Variants in CELF2 observed in about 807,000 individuals in gnomAD.
CELF2 encodes CUG triplet repeat RNA-binding protein 2.
CELF2 carries 8 observed loss-of-function variants against 62.6 expected under a neutral mutation model. That is an observed-to-expected ratio of 0.13 (90% confidence interval 0.07 to 0.23). The LOEUF is 0.23. Ranked by LOEUF, CELF2 falls within the 10% of genes least tolerant of loss-of-function variation. The pLI, the probability that CELF2 is intolerant of heterozygous loss-of-function variation, is 1.00. For synonymous variants in CELF2, 258 were observed against 250.0 expected (o/e 1.03, Z -0.30); for missense variants, 333 against 671.0 (o/e 0.50, Z 5.56).
chr10:10,732,078 A>C, the CELF2 span, among the ~76,000 whole-genome samples: 1 of 152,122 alleles, frequency 6.6e-6, no homozygotes, highest in Non-Finnish European at 1.5e-5. Context: ...AAAAACCCCT[A>C]ACTCATGATG....
intron 3 of CELF2, among the ~76,000 whole-genome samples, chr10:11,228,281 T>C (rs937540506): frequency 8.5e-5 from 13 of 152,236 alleles, no homozygotes; most frequent in African/African-American, 3.1e-4. Context: ...ATTGAGTGTT[T>C]ACTATGTCCT....
intron 1 of CELF2, among the ~76,000 whole-genome samples, chr10:10,908,376 C>T (rs139709325): frequency 1.7e-4 from 26 of 151,726 alleles, no homozygotes; most frequent in African/African-American, 3.6e-4. Flanking sequence ...CCTGCCACCA[C>T]GCCCGGCTAA....
the CELF2 span, among the ~76,000 whole-genome samples, chr10:10,714,894 G>T: frequency 6.6e-6 from 1 of 151,716 alleles, no homozygotes; most frequent in Non-Finnish European, 1.5e-5. Context: ...AAAAAAATCT[G>T]ACTTATTGGA....
chr10:11,298,077 T>C (rs56166040), intron 9 of CELF2, among the ~76,000 whole-genome samples: 4,776 of 152,274 alleles, frequency 0.031, 115 homozygotes, highest in Middle Eastern at 0.075. Context: ...AAACAAAACA[T>C]ATCTGTAGAC....
chr10:10,580,460 A>G, the CELF2 span, among the ~76,000 whole-genome samples: 1 of 152,146 alleles, frequency 6.6e-6, no homozygotes, highest in Non-Finnish European at 1.5e-5. Context: ...TAAGCTCACA[A>G]CCTGTTCCTG....
intron 1 of CELF2, among the ~76,000 whole-genome samples, chr10:11,126,305 C>G (rs1319293349): frequency 6.6e-6 from 1 of 152,186 alleles, no homozygotes; most frequent in Non-Finnish European, 1.5e-5. Flanking sequence ...TTTTCTCTCA[C>G]ATGTCTACTC....
chr10:10,731,825 C>T, the CELF2 span, among the ~76,000 whole-genome samples: 5 of 152,126 alleles, frequency 3.3e-5, no homozygotes, highest in African/African-American at 4.8e-5. Context: ...GGGTCCATAG[C>T]AAACAGGTAA....
the CELF2 span, among the ~76,000 whole-genome samples, chr10:10,667,645 C>A: frequency 6.6e-6 from 1 of 152,174 alleles, no homozygotes; most frequent in Non-Finnish European, 1.5e-5. Flanking sequence ...GAAACGTTCT[C>A]CCGTGTGTGG....
intron 2 of CELF2, chr10:10,925,288 T>C (rs1315652781): frequency 1.3e-5 from 2 of 152,120 alleles, no homozygotes; most frequent in Non-Finnish European, 2.9e-5. Flanking sequence ...TTCTTTATAA[T>C]CCCTAGGAAG....
In CELF2 at chr10:11,157,588, C is replaced by T. The variant is rs2064781191; in HGVS notation, c.75-7898C>T. ...TATGTTGTGTCCATGTCTGTCTCTT[C>T]TAATTGGCCATGAGCAGCAGAAGGA... On this transcript the variant is annotated intron_variant, in intron 1 of 12. Coordinates refer to ENST00000633077, the MANE Select transcript of CELF2 (RefSeq NM_001326342.2). The surrounding 1 kb of genome is among the most constrained non-coding windows in gnomAD (Gnocchi z 4.9). Among the ~76,000 whole-genome samples the T allele has an allele frequency of 6.6e-6, 1 of 152,194 alleles. No individual in the cohort carries two copies. The highest frequency in any genetic ancestry group is 6.5e-5 in the Admixed American group (1 of 15,280).
At chr10:10,500,600 C>T in the CELF2 span, among the ~76,000 whole-genome samples, 1 of 152,204 alleles carries the variant, frequency 6.6e-6, no homozygotes, top group Non-Finnish European at 1.5e-5. Context: ...CCACATGGAA[C>T]TGTGAGTCCA....
intron 1 of CELF2, among the ~76,000 whole-genome samples, chr10:10,811,795 A>C (rs911954110): frequency 2.6e-5 from 4 of 152,124 alleles, no homozygotes; most frequent in African/African-American, 9.7e-5. Flanking sequence ...CAAATGTGTC[A>C]TGGGGGACTG....
At chr10:11,151,888 T>C (rs756098629) in intron 1 of CELF2, among the ~76,000 whole-genome samples, 1 of 152,238 alleles carries the variant, frequency 6.6e-6, no homozygotes, top group Non-Finnish European at 1.5e-5. Flanking sequence ...ATGCTCCATC[T>C]TGCAACTTGG....
At chr10:11,101,798 A>G (rs1302667563) in intron 1 of CELF2, among the ~76,000 whole-genome samples, 2 of 152,176 alleles carry the variant, frequency 1.3e-5, no homozygotes, top group Non-Finnish European at 2.9e-5. Flanking sequence ...CCTGTGGGAA[A>G]TGTATCTAGT....
chr10:11,051,901 C>CTTTT (rs10711238), intron 1 of CELF2, among the ~76,000 whole-genome samples: 1 of 122,500 alleles, frequency 8.2e-6, no homozygotes, highest in African/African-American at 3.1e-5. Context: ...ATTGTTAATA[C>CTTTT]TTTTTTTTTT....
intron 1 of CELF2, 61 bp downstream of exon 1, chr10:11,018,224 G>T (rs61830380): frequency 0.035 from 49,292 of 1,424,772 alleles, 1,108 homozygotes; most frequent in Admixed American, 0.092. Context: ...AGTCGGCGGC[G>T]CGAAGGGGAC....
chr10:11,293,886 C>T (rs1354656035), intron 9 of CELF2, among the ~76,000 whole-genome samples: 3 of 152,084 alleles, frequency 2.0e-5, no homozygotes, highest in Non-Finnish European at 4.4e-5. Context: ...TTAGCGCACA[C>T]GTCTCTAAGG....
At chr10:11,323,904 G>A (rs1239207971) in intron 11 of CELF2, among the ~76,000 whole-genome samples, 2 of 148,990 alleles carry the variant, frequency 1.3e-5, no homozygotes. Context: ...ATACAAGGGA[G>A]GTTTTCCATA....
the CELF2 span, among the ~76,000 whole-genome samples, chr10:10,670,779 T>G: frequency 6.6e-6 from 1 of 152,210 alleles, no homozygotes; most frequent in Non-Finnish European, 1.5e-5. Flanking sequence ...ACAACCACAC[T>G]AATCTTTTTA....
Sources: gnomAD v4.1 joint callset for allele counts (sites outside exome capture counted in the v4.1 genomes callset) on GRCh38, gnomAD v4.1.1 for gene constraint, Gnocchi (gnomAD v3.1) non-coding constraint, MANE v1.5 for transcripts, NCBI Gene and HGNC (gene_info 2026-07-23, HGNC 2026-07-21) for gene names.